PTPRK: variants seen among roughly 807,000 people sequenced by gnomAD.
The protein encoded by PTPRK is receptor-type tyrosine-protein phosphatase kappa.
PTPRK carries 75 observed loss-of-function variants against 178.0 expected under a neutral mutation model. The observed-to-expected ratio is 0.42, with a 90% CI of 0.35 to 0.51. PTPRK has a LOEUF of 0.51. PTPRK is among the 20% of genes least tolerant of loss of function. The probability of loss-of-function intolerance (pLI) is 0.02; values close to 1 mark genes in which losing one functional copy is unlikely to be tolerated. For missense variants in PTPRK, 1,441 were observed against 1,797.8 expected (o/e 0.80, Z 3.59); for synonymous variants, 637 against 620.6 (o/e 1.03, Z -0.39).
intron 5 of PTPRK, among the ~76,000 whole-genome samples, chr6:128,239,125 G>GTTTTTTTTTTT (rs71833785): frequency 2.1e-4 from 21 of 98,696 alleles, no homozygotes; most frequent in Middle Eastern, 5.8e-3. Flanking sequence ...AACTCATCTT[G>GTTTTTTTTTTT]TTTTTTTTTT....
rs1260074755 is a variant in PTPRK, at chr6:127,998,649, A to G, written c.2679+71T>C. The G allele has an allele frequency of 3.2e-5, 43 of 1,323,184 alleles. No homozygotes were observed. In the South Asian group the frequency reaches 5.0e-4, roughly 15 times the overall value. 82.0% of individuals were successfully genotyped at this position (1,323,184 alleles called of 1,614,324 possible). A position where few individuals can be genotyped will look rare whatever the true frequency, so the allele number is the denominator to read the frequency against. On this transcript the variant is annotated intron_variant, in intron 16 of 29. Coordinates refer to ENST00000368226, the MANE Select transcript of PTPRK (RefSeq NM_002844.4). ...CCTCCTTGTTGTGTTAAAGAGAGGGAAAAAAATGCTAAATTCCACTGAGTA... is the reference window on the plus strand; with the variant it reads ...CCTCCTTGTTGTGTTAAAGAGAGGGGAAAAAATGCTAAATTCCACTGAGTA...
intron 1 of PTPRK, among the ~76,000 whole-genome samples, chr6:128,478,665 G>C (rs1230672853): frequency 2.6e-5 from 4 of 152,046 alleles, no homozygotes; most frequent in African/African-American, 9.7e-5. Context: ...GATGCCTTGG[G>C]TGTTTGCTAT....
chr6:127,993,522 G>T (rs575710209), intron 18 of PTPRK, among the ~76,000 whole-genome samples: 101 of 151,712 alleles, frequency 6.7e-4, no homozygotes, highest in African/African-American at 2.4e-3. Flanking sequence ...CTTAGTAAAA[G>T]TCTGTGGTAC....
intron 1 of PTPRK, among the ~76,000 whole-genome samples, chr6:128,513,390 G>A (rs1383429118): frequency 6.6e-6 from 1 of 151,664 alleles, no homozygotes; most frequent in Non-Finnish European, 1.5e-5. Flanking sequence ...GCCTGAAGCA[G>A]GAGAATCTCT....
chr6:128,426,214 C>T (rs1554260650), intron 1 of PTPRK, among the ~76,000 whole-genome samples: 2 of 152,148 alleles, frequency 1.3e-5, no homozygotes, highest in South Asian at 4.1e-4. Context: ...TTGAGGATGC[C>T]TTTCCCTTAT....
chr6:128,401,913 T>C (rs1285835804), intron 1 of PTPRK, among the ~76,000 whole-genome samples: 4 of 152,204 alleles, frequency 2.6e-5, no homozygotes, highest in African/African-American at 9.7e-5. Flanking sequence ...AATTAAGCTG[T>C]GATACATAAC....
At chr6:127,987,571 T>G (rs1452941006) in intron 21 of PTPRK, among the ~76,000 whole-genome samples, 1 of 152,106 alleles carries the variant, frequency 6.6e-6, no homozygotes, top group Non-Finnish European at 1.5e-5. Flanking sequence ...TTATGCAGAT[T>G]TGGTCATTTA....
chr6:128,253,633 C>T (rs1816828318), intron 3 of PTPRK, among the ~76,000 whole-genome samples: 1 of 152,160 alleles, frequency 6.6e-6, no homozygotes, highest in Admixed American at 6.6e-5. Flanking sequence ...CACCAACAGT[C>T]CAATCTTACA....
chr6:128,196,980 C>A (rs116625024), intron 6 of PTPRK, among the ~76,000 whole-genome samples: 1 of 151,502 alleles, frequency 6.6e-6, no homozygotes, highest in South Asian at 2.1e-4. Context: ...GGATGTAAGA[C>A]GAATAAAGAA....
intron 2 of PTPRK, among the ~76,000 whole-genome samples, chr6:128,340,519 T>C (rs186504648): frequency 1.3e-5 from 2 of 152,326 alleles, no homozygotes; most frequent in Admixed American, 1.3e-4. Flanking sequence ...CCTAATTCAA[T>C]GTTTCTCAAA....
chr6:128,108,135 A>G (rs2114314869), intron 7 of PTPRK, among the ~76,000 whole-genome samples: 2 of 151,500 alleles, frequency 1.3e-5, no homozygotes, highest in Middle Eastern at 3.4e-3. Flanking sequence ...ACTCAGAATT[A>G]GTTATTCCTA....
At chr6:128,016,120 G>C (rs1779565256) in intron 13 of PTPRK, among the ~76,000 whole-genome samples, 1 of 151,644 alleles carries the variant, frequency 6.6e-6, no homozygotes, top group South Asian at 2.1e-4. Flanking sequence ...ATCCTTTCAA[G>C]ATGTTAAAAG....
At chr6:128,052,012 C>A (rs1779094886) in intron 13 of PTPRK, among the ~76,000 whole-genome samples, 1 of 152,066 alleles carries the variant, frequency 6.6e-6, no homozygotes, top group South Asian at 2.1e-4. Context: ...CAGATACACA[C>A]CAAGACATGT....
chr6:128,455,024 A>T (rs1456132843), intron 1 of PTPRK, among the ~76,000 whole-genome samples: 2 of 152,192 alleles, frequency 1.3e-5, no homozygotes, highest in Middle Eastern at 3.2e-3. Context: ...AAAATATTAA[A>T]TATTTTAAAA....
intron 2 of PTPRK, among the ~76,000 whole-genome samples, chr6:128,327,037 C>G (rs1350040142): frequency 6.6e-6 from 1 of 150,682 alleles, no homozygotes; most frequent in East Asian, 1.9e-4. Context: ...CTTCTTATTC[C>G]AATTCATTAA....
At chr6:128,218,012 T>C (rs1163791331) in intron 6 of PTPRK, among the ~76,000 whole-genome samples, 1 of 152,210 alleles carries the variant, frequency 6.6e-6, no homozygotes, top group African/African-American at 2.4e-5. Context: ...TCTCTATTTT[T>C]ATTTTTAAGC....
At chr6:128,269,527 A>C (rs533109714) in intron 3 of PTPRK, among the ~76,000 whole-genome samples, 9 of 152,204 alleles carry the variant, frequency 5.9e-5, no homozygotes, top group African/African-American at 2.2e-4. Context: ...ATTTAAAAAA[A>C]AAAAAGGTAT....
intron 1 of PTPRK, among the ~76,000 whole-genome samples, chr6:128,492,545 T>C (rs544512081): frequency 4.5e-4 from 68 of 152,328 alleles, no homozygotes; most frequent in Non-Finnish European, 4.3e-4. Context: ...ATTACTCATA[T>C]GGCCCCAAGA....
chr6:128,234,645 A>T (rs920340761), intron 5 of PTPRK, among the ~76,000 whole-genome samples: 4 of 152,206 alleles, frequency 2.6e-5, no homozygotes, highest in African/African-American at 7.2e-5. Flanking sequence ...ACGCTGTTGC[A>T]TTATCAGCAG....
Sources: gnomAD v4.1 joint callset for allele counts (sites outside exome capture counted in the v4.1 genomes callset) on GRCh38, gnomAD v4.1.1 for gene constraint, MANE v1.5 for transcripts, NCBI Gene and HGNC (gene_info 2026-07-23, HGNC 2026-07-21) for gene names.